The following KCTD8 variants were observed in gnomAD, a reference collection of about 807,000 sequenced individuals.
KCTD8 encodes the protein potassium channel tetramerization domain containing 8, also known as BTB/POZ domain-containing protein KCTD8.
In KCTD8, 27 loss-of-function variants were observed where a neutral mutation model predicts 31.5. That is an observed-to-expected ratio of 0.86 (90% CI 0.63 to 1.18). The LOEUF (loss-of-function observed/expected upper bound fraction) is 1.18, where lower values mean the gene tolerates loss of function less well. Among genes scored for constraint, KCTD8 ranks in the 50% most tolerant of loss-of-function variants. The pLI is 0.00. For missense variants in KCTD8, 658 were observed against 647.7 expected (o/e 1.02, Z -0.17); for synonymous variants, 290 against 280.0 (o/e 1.04, Z -0.36).
At position 44,268,900 on chromosome 4, in the gene KCTD8, G is replaced by C. The variant is rs371297331; in HGVS notation, c.962-93650C>G. Among the ~76,000 whole-genome samples the C allele has an allele frequency of 1.4e-3, 210 of 152,066 alleles. 8 individuals carry two copies. In the South Asian group the frequency reaches 0.037, roughly 27 times the overall value. On this transcript the variant is annotated intron_variant, in intron 1 of 1. Coordinates refer to ENST00000360029, the MANE Select transcript of KCTD8 (RefSeq NM_198353.3). ...TCAATGAAATAAAAGAGGATACAAA[G>C]AAATGGAAGAACATTCCATGCTCAT...
In KCTD8 at chr4:44,448,565, T is replaced by C; in HGVS notation, c.-42A>G. The C allele has an allele frequency of 7.1e-7, 1 of 1,401,748 alleles. No homozygotes were observed. Among genetic ancestry groups the C allele is most frequent in the Non-Finnish European group, 9.2e-7 (1 of 1,081,730 alleles). 86.8% of individuals were successfully genotyped at this position (1,401,748 alleles called of 1,614,324 possible). On this transcript the variant is annotated 5_prime_UTR_variant, in exon 1 of 2. Transcript: ENST00000360029. This position sits in a 1 kb window ranked among gnomAD's most constrained non-coding sequence, Gnocchi z 4.1. ...GCCCAGTGACCCGAGAGAGCTGCAC[T>C]TTCTCGTTCCCGGAGCCCGCGCCCC...
At chr4:44,413,855 T>A (rs1721013337) in intron 1 of KCTD8, among the ~76,000 whole-genome samples, 1 of 152,048 alleles carries the variant, frequency 6.6e-6, no homozygotes, top group South Asian at 2.1e-4. Flanking sequence ...ATCATGAAAG[T>A]CTTTATAAAC....
chr4:44,320,217 C>T (rs1019405593), intron 1 of KCTD8, among the ~76,000 whole-genome samples: 1 of 138,582 alleles, frequency 7.2e-6, no homozygotes, highest in African/African-American at 2.6e-5. Flanking sequence ...AGAATTGATG[C>T]TCTAGTCTGC....
At chr4:44,211,446 A>C (rs1714481796) in intron 1 of KCTD8, among the ~76,000 whole-genome samples, 1 of 152,190 alleles carries the variant, frequency 6.6e-6, no homozygotes, top group African/African-American at 2.4e-5. Flanking sequence ...ACAACTCATT[A>C]GTCTTTCTCA....
intron 1 of KCTD8, among the ~76,000 whole-genome samples, chr4:44,194,046 G>A (rs1713854524): frequency 6.6e-6 from 1 of 152,102 alleles, no homozygotes; most frequent in Admixed American, 6.6e-5. Context: ...GACTATCTTA[G>A]AACCCATGAC....
intron 1 of KCTD8, among the ~76,000 whole-genome samples, chr4:44,176,253 T>A (rs1226088111): frequency 2.6e-5 from 4 of 152,212 alleles, no homozygotes; most frequent in Non-Finnish European, 5.9e-5. Flanking sequence ...TTTAAACAAT[T>A]GCCCAGGGGT....
chr4:44,244,067 A>C (rs189100815), intron 1 of KCTD8, among the ~76,000 whole-genome samples: 1 of 152,286 alleles, frequency 6.6e-6, no homozygotes, highest in Non-Finnish European at 1.5e-5. Context: ...TCCACACAAT[A>C]TTGTGACATT....
intron 1 of KCTD8, among the ~76,000 whole-genome samples, chr4:44,314,359 G>A (rs1413379953): frequency 6.6e-6 from 1 of 152,164 alleles, no homozygotes; most frequent in African/African-American, 2.4e-5. Flanking sequence ...AGTTACAGAA[G>A]ATATTTGTGT....
At chr4:44,325,911 T>G (rs1212971624) in intron 1 of KCTD8, among the ~76,000 whole-genome samples, 1 of 152,000 alleles carries the variant, frequency 6.6e-6, no homozygotes, top group African/African-American at 2.4e-5. Context: ...TATGCTTTTC[T>G]TCTGCTTCAA....
rs187387197 is a variant in KCTD8, at chr4:44,259,185, G to A, written c.962-83935C>T. On this transcript the variant is annotated intron_variant, in intron 1 of 1. Transcript: ENST00000360029. ...ATCTCCAAGCAGTTTCTTTCCTTTCGTCTGTTTTGATCATTGTTTGCTTTG... is the reference window on the plus strand; with the variant it reads ...ATCTCCAAGCAGTTTCTTTCCTTTCATCTGTTTTGATCATTGTTTGCTTTG... 2.9e-4 allele frequency among the ~76,000 whole-genome samples: 44 copies of A among 151,658 alleles called. No individual in the cohort carries two copies. In the East Asian group the frequency reaches 4.3e-3, roughly 15 times the overall value.
At chr4:44,332,883 T>C (rs1055636838) in intron 1 of KCTD8, among the ~76,000 whole-genome samples, 1 of 152,086 alleles carries the variant, frequency 6.6e-6, no homozygotes, top group Non-Finnish European at 1.5e-5. Context: ...ACTCTGTTGA[T>C]GTCAGTTGTG....
intron 1 of KCTD8, among the ~76,000 whole-genome samples, chr4:44,187,982 CACACACACAT>C (rs1420516061): frequency 1.4e-5 from 2 of 146,882 alleles, no homozygotes; most frequent in African/African-American, 2.5e-5. Flanking sequence ...CACACACACA[CACACACACAT>C]ATATATATAC....
Position 44,223,796 on chromosome 4 carries a change from C to A in KCTD8, c.962-48546G>T, listed in dbSNP as rs1203456066. 2.6e-5 allele frequency among the ~76,000 whole-genome samples: 4 copies of A among 152,144 alleles called. No homozygotes were observed. In the East Asian group the frequency reaches 7.7e-4, roughly 29 times the overall value. ...GTAGAGCTGCAGGAGCAAACTTAAG[C>A]CCAGAGGCTGGCCACCCATTTTTAT... On this transcript the variant is annotated intron_variant, in intron 1 of 1. Transcript: ENST00000360029.
At chr4:44,185,430 T>G (rs1201970251) in intron 1 of KCTD8, among the ~76,000 whole-genome samples, 1 of 152,186 alleles carries the variant, frequency 6.6e-6, no homozygotes. Context: ...TTCCATTAAG[T>G]ATATCCTTGT....
At chr4:44,439,002 A>G (rs1011957426) in intron 1 of KCTD8, among the ~76,000 whole-genome samples, 1 of 152,192 alleles carries the variant, frequency 6.6e-6, no homozygotes, top group African/African-American at 2.4e-5. Flanking sequence ...CTACAGCCAG[A>G]ATTTTTCAAG....
At chr4:44,250,061 GC>G (rs917670264) in intron 1 of KCTD8, among the ~76,000 whole-genome samples, 1 of 151,644 alleles carries the variant, frequency 6.6e-6, no homozygotes, top group Admixed American at 6.6e-5. Flanking sequence ...CATCATTTGT[GC>G]TTTTTAAAAA....
chr4:44,288,940 T>C, intron 1 of KCTD8, among the ~76,000 whole-genome samples: 1 of 151,260 alleles, frequency 6.6e-6, no homozygotes. Context: ...CATTTTTTTC[T>C]ATAAAAACAA....
At chr4:44,270,380 G>A (rs1716550731) in intron 1 of KCTD8, among the ~76,000 whole-genome samples, 1 of 132,528 alleles carries the variant, frequency 7.5e-6, no homozygotes, top group Non-Finnish European at 1.6e-5. Flanking sequence ...ATCATACTCT[G>A]GGGACTGTTG....
In KCTD8 at chr4:44,448,239, C is replaced by A. The variant is rs961371675; in HGVS notation, c.285G>T (p.Ala95=). The stretch of plus-strand genomic sequence containing the variant: ...AGCCGTCCCGGTCGATGAAGAAGCG[C>A]GCCCGGCTGTCCCTGGGCAGCTCGC... The part of the protein sequence containing the change: ...RRGELPRDSR[A]RFFIDRDGFL... Residue 95 remains alanine (A), a synonymous_variant, in exon 1 of 2, where the codon GCG becomes GCT. Transcript: ENST00000360029. The surrounding 1 kb of genome is among the most constrained non-coding windows in gnomAD (Gnocchi z 4.1). 1 of 1,611,412 alleles carries A rather than the reference C, an allele frequency of 6.2e-7. No homozygotes were observed. The highest frequency in any genetic ancestry group is 8.5e-7 in the Non-Finnish European group (1 of 1,179,292).
Sources: allele counts gnomAD v4.1 joint callset (sites outside exome capture counted in the v4.1 genomes callset), GRCh38; gene constraint gnomAD v4.1.1; non-coding constraint Gnocchi (gnomAD v3.1); transcripts MANE v1.5; gene names NCBI Gene and HGNC (gene_info 2026-07-23, HGNC 2026-07-21).